Variants in TIMELESS observed in about 807,000 individuals in gnomAD.
The protein encoded by TIMELESS is timeless circadian regulator.
A neutral mutation model predicts 164.3 loss-of-function variants in TIMELESS; 124 were observed. The observed-to-expected ratio is 0.75, with a 90% CI of 0.65 to 0.88. The LOEUF is 0.88. Among genes scored for constraint, TIMELESS ranks in the 40% least tolerant of loss-of-function variants. TIMELESS has a pLI of 0.00. For missense variants in TIMELESS, 1,422 were observed against 1,491.4 expected (o/e 0.95, Z 0.77); for synonymous variants, 564 against 563.4 (o/e 1.00, Z -0.02).
At position 56,440,483 on chromosome 12, in the gene TIMELESS, C is replaced by G. The variant is rs1481364964; in HGVS notation, c.-61-6252G>C. On this transcript the variant is annotated intron_variant, in intron 1 of 28. Coordinates refer to ENST00000553532, the MANE Select transcript of TIMELESS (RefSeq NM_003920.5). ...ACGAAACAAAACACTCTACCTGCCCCAAACCAACTCTGCTCCAAGGATCCT... is the reference window on the plus strand; with the variant it reads ...ACGAAACAAAACACTCTACCTGCCCGAAACCAACTCTGCTCCAAGGATCCT... Among the ~76,000 whole-genome samples, 32 of 152,086 alleles carry G rather than the reference C, an allele frequency of 2.1e-4. 1 individual carries two copies. Among genetic ancestry groups the G allele is most frequent in the Admixed American group, 2.1e-3 (32 of 15,274 alleles).
intron 15 of TIMELESS, 112 bp downstream of exon 15, chr12:56,424,650 G>A: frequency 3.6e-6 from 5 of 1,384,330 alleles, no homozygotes; most frequent in Non-Finnish European, 4.9e-6. Flanking sequence ...TTGGTATACA[G>A]TCCCAGAGCC....
At position 56,429,009 on chromosome 12, in the gene TIMELESS, G is replaced by A. The variant is rs1205656824; in HGVS notation, c.1178C>T (p.Ser393Phe). The change falls in exon 11 of 29, where the codon TCC (serine) becomes TTC (phenylalanine). Residue 393 changes from serine (S) to phenylalanine (F), a missense_variant. By Grantham distance (155) the Ser-to-Phe change is radical. Coordinates refer to ENST00000553532, the MANE Select transcript of TIMELESS (RefSeq NM_003920.5). ...AFFMAFNRAASFRPGLVSETL... is the reference protein window; with the variant it reads ...AFFMAFNRAAFFRPGLVSETL... ...CTCAGAAACCAGGCCTGGCCGGAAG[G>A]AGGCAGCTCGGTTGAAGGCCATGAA... is the stretch of plus-strand genomic sequence containing the variant. The A allele has an allele frequency of 1.9e-6, 3 of 1,614,046 alleles. No homozygotes were observed. The highest frequency in any genetic ancestry group is 2.5e-6 in the Non-Finnish European group (3 of 1,180,046).
chr12:56,432,113 T>G (rs1164712267), intron 7 of TIMELESS, among the ~76,000 whole-genome samples: 2 of 152,168 alleles, frequency 1.3e-5, no homozygotes, highest in African/African-American at 2.4e-5. Flanking sequence ...CAGAACAATG[T>G]ACAAGTTTAA....
At position 56,433,567 on chromosome 12, in the gene TIMELESS, C is replaced by A; in HGVS notation, c.337G>T (p.Val113Leu). 1 of 1,614,198 alleles carries A rather than the reference C, an allele frequency of 6.2e-7. No individual in the cohort carries two copies. Among genetic ancestry groups the A allele is most frequent in the Non-Finnish European group, 8.5e-7 (1 of 1,180,038 alleles). ...TTGTAGGCCTGCAAATAAGTTAGCA[C>A]CTGCAAAAAATGGTGCCGAAAGCTG... The part of the protein sequence containing the change: ...EPSFRHHFLQ[V>L]LTYLQAYKEA... Residue 113 changes from valine (V) to leucine (L), a missense_variant, in exon 4 of 29, where the codon GTG becomes TTG. Physicochemically the swap from Val to Leu is conservative, Grantham distance 32. Transcript: ENST00000553532.
chr12:56,431,830 ATATTTG>A (rs1199061063), intron 7 of TIMELESS, among the ~76,000 whole-genome samples: 4 of 151,480 alleles, frequency 2.6e-5, no homozygotes, highest in Non-Finnish European at 5.9e-5. Context: ...ATACATATAT[ATATTTG>A]TATGTGTATA....
intron 7 of TIMELESS, 40 bp from the exon 8 acceptor site, chr12:56,431,644 A>C (rs1264044091): frequency 1.3e-6 from 2 of 1,599,494 alleles, no homozygotes; most frequent in African/African-American, 2.7e-5. Flanking sequence ...GAGGACAGTC[A>C]TTCCTTATCC....
chr12:56,427,225 C>A (rs1881706986), intron 13 of TIMELESS, among the ~76,000 whole-genome samples: 1 of 152,056 alleles, frequency 6.6e-6, no homozygotes, highest in Non-Finnish European at 1.5e-5. Flanking sequence ...TGGGTTCAAG[C>A]AATTCTCGTG....
chr12:56,447,657 C>T (rs897716925), intron 1 of TIMELESS, among the ~76,000 whole-genome samples: 1 of 152,098 alleles, frequency 6.6e-6, no homozygotes, highest in African/African-American at 2.4e-5. Context: ...GTAAGCCTGG[C>T]GCTAAGCACA....
At chr12:56,430,587 G>T (rs1324388501) in intron 9 of TIMELESS, among the ~76,000 whole-genome samples, 1 of 152,028 alleles carries the variant, frequency 6.6e-6, no homozygotes, top group Non-Finnish European at 1.5e-5. Context: ...GGCTGGTCTC[G>T]AACTCCTGGG....
In TIMELESS at chr12:56,432,486, G is replaced by C. The variant is rs866838679; in HGVS notation, c.570C>G (p.Leu190=). ...CCAGGCCGCTGAGGTGAATCGCCCA[G>C]AGGAGCTGGTCATGGGCACTGGCGT... ...DDDASAHDQL[L]WAIHLSGLDD... The change falls in exon 7 of 29, where the codon CTC becomes CTG. Residue 190 remains leucine (L), a synonymous_variant. Coordinates refer to ENST00000553532, the MANE Select transcript of TIMELESS (RefSeq NM_003920.5). 6.2e-7 allele frequency: 1 copy of C among 1,614,214 alleles called. No individual in the cohort carries two copies. Among genetic ancestry groups the C allele is most frequent in the African/African-American group, 1.3e-5 (1 of 75,050 alleles).
rs765264874 is a variant in TIMELESS, at chr12:56,428,971, G to A, written c.1216C>T (p.Arg406Cys). 18 of 1,614,010 alleles carry A rather than the reference G, an allele frequency of 1.1e-5. No homozygotes were observed. The highest frequency in any genetic ancestry group is 4.5e-5 in the East Asian group (2 of 44,898). ...TTCTGCTCAATGAAGTGGAAGGTACGGACACTGAGGGTCTCAGAAACCAGG... is the reference window on the plus strand; with the variant it reads ...TTCTGCTCAATGAAGTGGAAGGTACAGACACTGAGGGTCTCAGAAACCAGG... ...PGLVSETLSV[R>C]TFHFIEQNLT... Residue 406 changes from arginine to cysteine, a missense_variant, in exon 11 of 29, where the codon CGT becomes TGT. Coordinates refer to ENST00000553532, the MANE Select transcript of TIMELESS (RefSeq NM_003920.5).
chr12:56,432,823 C>G (rs375012501), intron 6 of TIMELESS, among the ~76,000 whole-genome samples: 4 of 151,860 alleles, frequency 2.6e-5, no homozygotes, highest in African/African-American at 9.7e-5. Flanking sequence ...GTGGCGGGCA[C>G]CTGTAGTCCC....
intron 7 of TIMELESS, 107 bp downstream of exon 7, chr12:56,432,262 C>T (rs1304201607): frequency 1.4e-5 from 19 of 1,357,192 alleles, no homozygotes; most frequent in African/African-American, 4.4e-5. Flanking sequence ...CTCCTGCTGT[C>T]GCCTGCCTTC....
At chr12:56,432,789 A>C (rs1487620125) in intron 6 of TIMELESS, among the ~76,000 whole-genome samples, 4 of 24,928 alleles carry the variant, frequency 1.6e-4, no homozygotes, top group Non-Finnish European at 3.6e-4. Flanking sequence ...CTAAAAATAC[A>C]AAAAAAAAAA....
intron 18 of TIMELESS, 26 bp downstream of exon 18, chr12:56,423,248 A>C (rs779732609): frequency 6.2e-7 from 1 of 1,612,982 alleles, no homozygotes; most frequent in Non-Finnish European, 8.5e-7. Flanking sequence ...ACCCTTCCAG[A>C]ACCCCATTCC....
intron 1 of TIMELESS, among the ~76,000 whole-genome samples, chr12:56,448,517 G>A (rs535244208): frequency 6.6e-5 from 10 of 151,762 alleles, no homozygotes; most frequent in Admixed American, 5.9e-4. Context: ...ACGAAGTCAG[G>A]AGTTTGAGAT....
chr12:56,428,608 A>G lies in TIMELESS; in HGVS notation c.1349T>C (p.Val450Ala), dbSNP rs749255581. 1 of 1,614,046 alleles carries G rather than the reference A, an allele frequency of 6.2e-7. No homozygotes were observed. Among genetic ancestry groups the G allele is most frequent in the South Asian group, 1.1e-5 (1 of 91,080 alleles). ...ATCTGGAGATATGTCCATCTCATTC[A>G]CTGTTGCCAGCAGCTCCTGATAGGC... Reference protein sequence around the residue: ...LKAYQELLATVNEMDISPDEA... With the variant: ...LKAYQELLATANEMDISPDEA... The change falls in exon 12 of 29, where the codon GTG (valine) becomes GCG (alanine). Residue 450 changes from valine to alanine, a missense_variant. Coordinates refer to ENST00000553532, the MANE Select transcript of TIMELESS (RefSeq NM_003920.5).
intron 23 of TIMELESS, 67 bp from the exon 24 acceptor site, chr12:56,421,201 C>T (rs1881469751): frequency 1.1e-5 from 17 of 1,603,492 alleles, no homozygotes; most frequent in Middle Eastern, 1.7e-4. Context: ...GGAGTCTCCT[C>T]GTTCCTGACC....
Position 56,417,010 on chromosome 12 carries a change from C to T in TIMELESS, c.*706G>A, listed in dbSNP as rs1157113855. ...AAGTGCTAGGACAACAGGTTTGAGCCACTGTGCCGGTCTGTTGGTCTCTTT... is the reference window on the plus strand; with the variant it reads ...AAGTGCTAGGACAACAGGTTTGAGCTACTGTGCCGGTCTGTTGGTCTCTTT... On this transcript the variant is annotated 3_prime_UTR_variant, in exon 29 of 29. Coordinates refer to ENST00000553532, the MANE Select transcript of TIMELESS (RefSeq NM_003920.5). 6.6e-6 allele frequency: 1 copy of T among 152,370 alleles called. No individual in the cohort carries two copies. The highest frequency in any genetic ancestry group is 2.4e-5 in the African/African-American group (1 of 41,428). The allele number at this position is 152,370 out of a possible 1,614,324, so 9.4% of individuals were successfully genotyped here.
Sources: allele counts gnomAD v4.1 joint callset (sites outside exome capture counted in the v4.1 genomes callset), GRCh38; gene constraint gnomAD v4.1.1; transcripts MANE v1.5; gene names NCBI Gene and HGNC (gene_info 2026-07-23, HGNC 2026-07-21).